Variants in ABCC4 observed in about 807,000 individuals in gnomAD.
ABCC4 encodes the protein ATP binding cassette subfamily C member 4 (PEL blood group).
ABCC4 carries 102 observed loss-of-function variants against 168.5 expected under a neutral mutation model. The ratio of observed to expected loss-of-function variants is 0.61; its 90% CI spans 0.52 to 0.71. The LOEUF (loss-of-function observed/expected upper bound fraction) is 0.71, where lower values mean the gene tolerates loss of function less well. Among genes scored for constraint, ABCC4 ranks in the 30% least tolerant of loss-of-function variants. The probability of loss-of-function intolerance (pLI) is 0.00; values close to 1 mark genes in which losing one functional copy is unlikely to be tolerated. For missense variants in ABCC4, 1,402 were observed against 1,605.8 expected (o/e 0.87, Z 2.17); for synonymous variants, 617 against 590.7 (o/e 1.04, Z -0.65).
intron 26 of ABCC4, among the ~76,000 whole-genome samples, chr13:95,054,089 G>A (rs1040281462): frequency 8.4e-6 from 1 of 118,384 alleles, no homozygotes; most frequent in Non-Finnish European, 1.6e-5. Context: ...AAACAACTGG[G>A]GCCAGAGGCA....
chr13:95,025,262 C>CA (rs2031404302), intron 30 of ABCC4, among the ~76,000 whole-genome samples: 6 of 45,126 alleles, frequency 1.3e-4, no homozygotes, highest in Admixed American at 4.5e-4. Flanking sequence ...CACACACACA[C>CA]CCCCACACCC....
intron 19 of ABCC4, among the ~76,000 whole-genome samples, chr13:95,126,757 C>A (rs1384220746): frequency 1.5e-3 from 53 of 34,462 alleles, no homozygotes; most frequent in Middle Eastern, 9.6e-3. Context: ...ATATATATTC[C>A]AAAATATATA....
At chr13:95,148,630 AC>A (rs2036574947) in intron 19 of ABCC4, among the ~76,000 whole-genome samples, 1 of 151,310 alleles carries the variant, frequency 6.6e-6, no homozygotes, top group African/African-American at 2.4e-5. Context: ...ACACACACAC[AC>A]ACACACAATC....
intron 29 of ABCC4, 95 bp downstream of exon 29, chr13:95,043,587 T>A: frequency 9.5e-7 from 1 of 1,053,698 alleles, no homozygotes; most frequent in Non-Finnish European, 1.4e-6. Flanking sequence ...AAAATTAACT[T>A]ACTAGGGGTT....
At chr13:95,161,551 GAA>G (rs1472452149) in intron 18 of ABCC4, among the ~76,000 whole-genome samples, 29 of 152,132 alleles carry the variant, frequency 1.9e-4, no homozygotes, top group Admixed American at 1.9e-3. Flanking sequence ...GCACAGAAAA[GAA>G]AAATCAGGTG....
At chr13:95,119,941 C>CA (rs1362625976) in intron 19 of ABCC4, among the ~76,000 whole-genome samples, 2 of 152,176 alleles carry the variant, frequency 1.3e-5, no homozygotes, top group Non-Finnish European at 2.9e-5. Flanking sequence ...CACAGTGCCT[C>CA]CCTATGCCCA....
chr13:95,053,764 G>C (rs1465824596), intron 26 of ABCC4: 3 of 155,488 alleles, frequency 1.9e-5, no homozygotes, highest in African/African-American at 7.2e-5. Context: ...ATCACCTGAG[G>C]TCAGGAGTTC....
At chr13:95,291,600 G>A (rs1370447187) in intron 1 of ABCC4, among the ~76,000 whole-genome samples, 1 of 152,172 alleles carries the variant, frequency 6.6e-6, no homozygotes, top group Non-Finnish European at 1.5e-5. Context: ...GCTGCTAAAC[G>A]TTAGCATCTA....
chr13:95,075,675 T>G (rs982470179), intron 21 of ABCC4, 124 bp from the exon 22 acceptor site: 1 of 1,304,798 alleles, frequency 7.7e-7, no homozygotes, highest in Non-Finnish European at 1.0e-6. Context: ...GGCTTCATGT[T>G]TCAAGGAAAA....
At chr13:95,285,592 G>A (rs981921573) in intron 1 of ABCC4, among the ~76,000 whole-genome samples, 7 of 152,138 alleles carry the variant, frequency 4.6e-5, no homozygotes, top group Admixed American at 3.3e-4. Flanking sequence ...CTGAATAATG[G>A]ACTAGAAGTT....
At chr13:95,176,228 GGGGGGGGGGGGGGGGGGT>G (rs2037688824) in intron 13 of ABCC4, among the ~76,000 whole-genome samples, 1 of 42,022 alleles carries the variant, frequency 2.4e-5, no homozygotes, top group African/African-American at 1.9e-4. Context: ...GAGGGCAGGG[GGGGGGGGGGGGGGGGGGT>G]GGATCCCTTG....
Position 95,164,370 on chromosome 13 carries a change from T to C in ABCC4, c.2175+8A>G. The C allele has an allele frequency of 1.9e-6, 3 of 1,613,952 alleles. No homozygotes were observed. The highest frequency in any genetic ancestry group is 2.5e-6 in the Non-Finnish European group (3 of 1,179,912). The stretch of plus-strand genomic sequence containing the variant: ...TTTTGAGGGCGCAAAACAAATGTCA[T>C]TATTTACCTGAGCTGCAGTGTTTAG... On this transcript the variant is annotated splice_region_variant and intron_variant, in intron 16 of 30. Transcript: ENST00000645237.
At chr13:95,033,720 T>G (rs1314928925) in intron 30 of ABCC4, among the ~76,000 whole-genome samples, 1 of 151,152 alleles carries the variant, frequency 6.6e-6, no homozygotes, top group Non-Finnish European at 1.5e-5. Flanking sequence ...TGGAGTGCAG[T>G]GGCGTGATCT....
intron 19 of ABCC4, among the ~76,000 whole-genome samples, chr13:95,146,020 T>C (rs1322363156): frequency 6.6e-6 from 1 of 152,078 alleles, no homozygotes; most frequent in African/African-American, 2.4e-5. Flanking sequence ...AAGACCAGCT[T>C]AGCCAATATG....
intron 1 of ABCC4, among the ~76,000 whole-genome samples, chr13:95,255,357 C>T (rs1029015881): frequency 6.6e-6 from 1 of 152,248 alleles, no homozygotes; most frequent in Non-Finnish European, 1.5e-5. Flanking sequence ...GGGAGCCCGA[C>T]ACACCTGATT....
intron 5 of ABCC4, 40 bp downstream of exon 5, chr13:95,210,652 G>A: frequency 6.6e-7 from 1 of 1,522,226 alleles, no homozygotes; most frequent in Non-Finnish European, 9.1e-7. Context: ...AAAGAGGGGT[G>A]TTTAATGCAA....
chr13:95,022,077 T>G (rs1353011084), intron 30 of ABCC4, among the ~76,000 whole-genome samples: 1 of 152,172 alleles, frequency 6.6e-6, no homozygotes. Context: ...ATGAGCACAA[T>G]AGATTTGGAT....
In ABCC4 at chr13:95,100,938, C is replaced by T. The variant is rs145249239; in HGVS notation, c.2535+14984G>A. Among the ~76,000 whole-genome samples, 911 of 152,216 alleles carry T rather than the reference C, an allele frequency of 6.0e-3. 5 individuals are homozygous for T. The highest frequency in any genetic ancestry group is 0.031 in the Middle Eastern group (9 of 294). Reference sequence around the variant, plus strand: ...GTTCAGTGTGCTTTCTACACACTTTCCCTGACATCTCTACACAATGAAATG... The same window carrying T: ...GTTCAGTGTGCTTTCTACACACTTTTCCTGACATCTCTACACAATGAAATG... On this transcript the variant is annotated intron_variant, in intron 20 of 30. Transcript: ENST00000645237.
Position 95,210,747 on chromosome 13 carries a change from G to A in ABCC4, c.566C>T (p.Thr189Ile). 1 of 1,614,176 alleles carries A rather than the reference G, an allele frequency of 6.2e-7. No homozygotes were observed. Among genetic ancestry groups the A allele is most frequent in the Non-Finnish European group, 8.5e-7 (1 of 1,180,000 alleles). Residue 189 changes from threonine to isoleucine, a missense_variant, in exon 5 of 31, where the codon ACA becomes ATA. This residue lies in a region of ABCC4 where 317 missense variants were observed against 345.5 expected (regional missense o/e 0.92). Coordinates refer to ENST00000645237, the MANE Select transcript of ABCC4 (RefSeq NM_005845.5). The part of the protein sequence containing the change: ...LRLSNMAMGK[T>I]TTGQIVNLLS... ...CAGATTGACTATCTGGCCTGTGGTT[G>A]TCTTCCCCATGGCCATGTTACTAAG...
Sources: allele counts gnomAD v4.1 joint callset (sites outside exome capture counted in the v4.1 genomes callset), GRCh38; gene constraint gnomAD v4.1.1; regional missense constraint gnomAD v4.1.1; transcripts MANE v1.5; gene names NCBI Gene and HGNC (gene_info 2026-07-23, HGNC 2026-07-21).